The following IL23R variants were observed in gnomAD, a reference collection of about 807,000 sequenced individuals.
The protein encoded by IL23R is interleukin-23 receptor.
In IL23R, 34 loss-of-function variants were observed where a neutral mutation model predicts 56.9. The observed-to-expected ratio is 0.60, with a 90% CI of 0.45 to 0.80. The LOEUF (loss-of-function observed/expected upper bound fraction) is 0.80. Ranked by LOEUF, IL23R falls within the 30% of genes least tolerant of loss-of-function variation. IL23R has a pLI of 0.00. For synonymous variants in IL23R, 230 were observed against 249.2 expected (o/e 0.92, Z 0.73); for missense variants, 635 against 730.0 (o/e 0.87, Z 1.50).
chr1:67,210,431 T>C (rs936326516), intron 6 of IL23R, among the ~76,000 whole-genome samples: 2 of 152,102 alleles, frequency 1.3e-5, no homozygotes, highest in Non-Finnish European at 2.9e-5. Flanking sequence ...AAGAAATAGT[T>C]TCTGGCCTTT....
intron 8 of IL23R, among the ~76,000 whole-genome samples, chr1:67,238,030 AGGT>A (rs1031618291): frequency 1.3e-5 from 2 of 152,158 alleles, no homozygotes; most frequent in African/African-American, 4.8e-5. Flanking sequence ...AAGAAAAGTC[AGGT>A]GGTGGTGAAG....
chr1:67,181,706 G>C (rs377017482), intron 3 of IL23R, among the ~76,000 whole-genome samples: 1 of 152,124 alleles, frequency 6.6e-6, no homozygotes, highest in Non-Finnish European at 1.5e-5. Context: ...GAGGAGAGGC[G>C]CTCTGATTTT....
At chr1:67,167,834 G>A (rs1405229829) in intron 1 of IL23R, among the ~76,000 whole-genome samples, 3 of 152,190 alleles carry the variant, frequency 2.0e-5, no homozygotes, top group Non-Finnish European at 4.4e-5. Flanking sequence ...GCCCTACTGA[G>A]TTAATTCATA....
intron 4 of IL23R, among the ~76,000 whole-genome samples, chr1:67,195,310 G>A (rs762267112): frequency 1.3e-5 from 2 of 152,194 alleles, no homozygotes; most frequent in Non-Finnish European, 2.9e-5. Flanking sequence ...TGGGATTACA[G>A]GTGTGAGCCA....
At chr1:67,187,430 A>G (rs1451182480) in intron 4 of IL23R, among the ~76,000 whole-genome samples, 2 of 152,204 alleles carry the variant, frequency 1.3e-5, no homozygotes, top group African/African-American at 4.8e-5. Context: ...TTTCCTATTT[A>G]GTATCATAAA....
chr1:67,232,552 T>C (rs1414863220), intron 7 of IL23R, among the ~76,000 whole-genome samples: 2 of 152,216 alleles, frequency 1.3e-5, no homozygotes, highest in African/African-American at 4.8e-5. Context: ...CCTAGGTGAC[T>C]TTGAGCAAGT....
chr1:67,180,732 T>C (rs1038576104), intron 3 of IL23R, among the ~76,000 whole-genome samples: 4 of 152,244 alleles, frequency 2.6e-5, no homozygotes, highest in African/African-American at 7.2e-5. Flanking sequence ...CTTTACAATT[T>C]GGCACGTTTT....
In IL23R at chr1:67,168,206, T is replaced by C; in HGVS notation, c.70+16T>C. Reference sequence around the variant, plus strand: ...TGTCATGGAGGTATGGTGTTTTATGTATCTATTGCTATCTTTCATTCAACA... The same window carrying C: ...TGTCATGGAGGTATGGTGTTTTATGCATCTATTGCTATCTTTCATTCAACA... On this transcript the variant is annotated intron_variant, in intron 2 of 10. Transcript: ENST00000347310. 8.6e-6 allele frequency: 13 copies of C among 1,512,380 alleles called. No homozygotes were observed. Among genetic ancestry groups the C allele is most frequent in the Non-Finnish European group, 1.2e-5 (13 of 1,087,632 alleles). The allele number at this position is 1,512,380 out of a possible 1,614,324, so 93.7% of individuals were successfully genotyped here.
intron 9 of IL23R, among the ~76,000 whole-genome samples, chr1:67,250,082 C>G (rs1270460446): frequency 4.6e-5 from 7 of 152,188 alleles, no homozygotes; most frequent in Non-Finnish European, 1.0e-4. Context: ...TTTTAACCCT[C>G]TAACCTAGAC....
downstream of IL23R, among the ~76,000 whole-genome samples, chr1:67,260,438 C>G (rs372277063): frequency 6.6e-6 from 1 of 152,060 alleles, no homozygotes; most frequent in African/African-American, 2.4e-5. Context: ...CAAATACTTG[C>G]TGAACCTACC....
chr1:67,205,909 T>TTC (rs569663091), intron 5 of IL23R, among the ~76,000 whole-genome samples: 1 of 117,374 alleles, frequency 8.5e-6, no homozygotes, highest in Non-Finnish European at 2.0e-5. Flanking sequence ...CTTTCTTTCT[T>TTC]TCTTTCTTTC....
intron 1 of IL23R, among the ~76,000 whole-genome samples, chr1:67,143,810 G>A (rs1446960427): frequency 6.6e-6 from 1 of 152,144 alleles, no homozygotes; most frequent in Non-Finnish European, 1.5e-5. Flanking sequence ...ATCTAGGCAG[G>A]ACATCAGCAG....
intron 10 of IL23R, among the ~76,000 whole-genome samples, chr1:67,256,397 G>C (rs1206893846): frequency 6.6e-6 from 1 of 152,196 alleles, no homozygotes; most frequent in African/African-American, 2.4e-5. Flanking sequence ...AGAGAACTGT[G>C]AACAATAGTG....
intron 1 of IL23R, among the ~76,000 whole-genome samples, chr1:67,148,118 C>T (rs929957688): frequency 7.9e-5 from 12 of 152,222 alleles, no homozygotes; most frequent in Non-Finnish European, 1.6e-4. Flanking sequence ...GGAACAATGG[C>T]GAGCCTCTAG....
At chr1:67,164,676 T>TAAAATAAAATAAAAC (rs1646855078), upstream of IL23R, among the ~76,000 whole-genome samples, 2 of 133,822 alleles carry the variant, frequency 1.5e-5, no homozygotes, top group African/African-American at 5.9e-5. Context: ...TAAAATAAAA[T>TAAAATAAAATAAAAC]AAAACAAAAA....
intron 1 of IL23R, among the ~76,000 whole-genome samples, chr1:67,147,619 A>C (rs1303705854): frequency 6.6e-6 from 1 of 152,012 alleles, no homozygotes; most frequent in Non-Finnish European, 1.5e-5. Flanking sequence ...ATAATAGCTT[A>C]AACTTGGGAA....
rs754519752 is a variant in IL23R at position 67,258,565 on chromosome 1, C to T, written c.1327C>T (p.Pro443Ser). The change falls in exon 11 of 11, where the codon CCA (proline) becomes TCA (serine). Residue 443 changes from proline to serine, a missense_variant. Transcript: ENST00000347310. ...MITEIKEIFI[P>S]EHKPTDYKKE... ...TACAGAGATAAAAGAAATCTTCATC[C>T]CAGAACACAAGCCTACAGACTACAA... 3.4e-5 allele frequency: 55 copies of T among 1,610,964 alleles called. No homozygotes were observed. The East Asian group carries it at 1.2e-3, about 35-fold the overall frequency.
chr1:67,252,973 G>A (rs1192313986), intron 9 of IL23R, among the ~76,000 whole-genome samples: 2 of 152,174 alleles, frequency 1.3e-5, no homozygotes, highest in Non-Finnish European at 2.9e-5. Flanking sequence ...CTCAGTTACT[G>A]TTACAGGCAC....
downstream of IL23R, among the ~76,000 whole-genome samples, chr1:67,261,907 T>G (rs1184473450): frequency 6.6e-6 from 1 of 152,170 alleles, no homozygotes; most frequent in Non-Finnish European, 1.5e-5. Flanking sequence ...GCTTTCTCAT[T>G]CTGTGGTGTC....
Sources: allele counts gnomAD v4.1 joint callset (sites outside exome capture counted in the v4.1 genomes callset), GRCh38; gene constraint gnomAD v4.1.1; transcripts MANE v1.5; gene names NCBI Gene and HGNC (gene_info 2026-07-23, HGNC 2026-07-21).